DHX57: variants seen among roughly 807,000 people sequenced by gnomAD.
DHX57 encodes the protein putative ATP-dependent RNA helicase DHX57.
DHX57 carries 105 observed loss-of-function variants against 156.2 expected under a neutral mutation model. The observed-to-expected ratio is 0.67, with a 90% CI of 0.57 to 0.79. DHX57 has a LOEUF of 0.79. DHX57 is among the 30% of genes least tolerant of loss of function. The probability of loss-of-function intolerance (pLI) is 0.00; values close to 1 mark genes in which losing one functional copy is unlikely to be tolerated. For missense variants in DHX57, 1,847 were observed against 1,661.9 expected (o/e 1.11, Z -1.94); for synonymous variants, 704 against 595.6 (o/e 1.18, Z -2.65).
Position 38,855,268 on chromosome 2 carries a change from A to T in DHX57, c.1710-16T>A, listed in dbSNP as rs1672838274. 1.2e-6 allele frequency: 2 copies of T among 1,613,758 alleles called. No homozygotes were observed. Among genetic ancestry groups the T allele is most frequent in the Non-Finnish European group, 1.7e-6 (2 of 1,179,748 alleles). On this transcript the variant is annotated splice_polypyrimidine_tract_variant and intron_variant, in intron 7 of 23. Coordinates refer to ENST00000457308, the MANE Select transcript of DHX57 (RefSeq NM_198963.3). ...TTTCCCACATCTGTACATTAAAACAAATAAGTCCTAAAATGAAGTTTTCAA... is the reference window on the plus strand; with the variant it reads ...TTTCCCACATCTGTACATTAAAACATATAAGTCCTAAAATGAAGTTTTCAA...
At chr2:38,816,871 T>G (rs905943779) in intron 19 of DHX57, among the ~76,000 whole-genome samples, 1 of 150,832 alleles carries the variant, frequency 6.6e-6, no homozygotes, top group African/African-American at 2.4e-5. Context: ...TTGATGGACC[T>G]CATAAGTCAC....
At chr2:38,811,155 T>C in intron 21 of DHX57, 1 of 517,608 alleles carries the variant, frequency 1.9e-6, no homozygotes, top group Non-Finnish European at 3.6e-6. Context: ...TGCTTCAGAG[T>C]GACTGGGATG....
chr2:38,819,257 C>A (rs967022487), intron 17 of DHX57, 113 bp from the exon 18 acceptor site: 4 of 909,368 alleles, frequency 4.4e-6, no homozygotes, highest in Non-Finnish European at 5.1e-6. Context: ...CCACTGCAAC[C>A]TTTATCTCCC....
At chr2:38,809,327 G>A (rs1188470197) in intron 21 of DHX57, among the ~76,000 whole-genome samples, 2 of 151,442 alleles carry the variant, frequency 1.3e-5, no homozygotes, top group Non-Finnish European at 2.9e-5. Context: ...TTCTCACTCT[G>A]TTGCCCAAGC....
Position 38,802,802 on chromosome 2 carries a change from T to G in DHX57, c.3930A>C (p.Gly1310=). ...VSVYPLVLFG[G]GQVNVQLQRG... is the part of the protein sequence containing the mutation. ...TTTGAAGCTGCACATTCACTTGGCC[T>G]CCTCCAAACAAGACCAGCGGGTACA... Residue 1310 remains glycine, a synonymous_variant, in exon 23 of 24, where the codon GGA becomes GGC. Transcript: ENST00000457308. 1.9e-6 allele frequency: 3 copies of G among 1,614,102 alleles called. No individual in the cohort carries two copies. Among genetic ancestry groups the G allele is most frequent in the Non-Finnish European group, 2.5e-6 (3 of 1,180,022 alleles).
intron 20 of DHX57, among the ~76,000 whole-genome samples, chr2:38,814,588 A>C (rs1226565016): frequency 6.6e-6 from 1 of 152,228 alleles, no homozygotes; most frequent in Non-Finnish European, 1.5e-5. Context: ...GTTATAGAAA[A>C]AGCTGTCTTT....
chr2:38,863,430 G>A lies in DHX57; in HGVS notation c.314C>T (p.Ser105Phe), dbSNP rs1192770031. The A allele has an allele frequency of 6.2e-7, 1 of 1,614,026 alleles. No individual in the cohort carries two copies. The highest frequency in any genetic ancestry group is 1.7e-5 in the Admixed American group (1 of 59,992). The change falls in exon 3 of 24, where the codon TCT becomes TTT. Residue 105 changes from serine to phenylalanine, a missense_variant. By Grantham distance (155) the Ser-to-Phe change is radical. Coordinates refer to ENST00000457308, the MANE Select transcript of DHX57 (RefSeq NM_198963.3). ...KVPLQTLHMT[S>F]ENQEKVKALL... is the part of the protein sequence containing the mutation. Reference sequence around the variant, plus strand: ...AGCTTTCACTTTCTCTTGATTCTCAGAAGTCATATGTAGAGTCTGAAGGGG... The same window carrying A: ...AGCTTTCACTTTCTCTTGATTCTCAAAAGTCATATGTAGAGTCTGAAGGGG...
intron 2 of DHX57, among the ~76,000 whole-genome samples, chr2:38,865,295 C>G (rs1665010031): frequency 6.6e-6 from 1 of 152,084 alleles, no homozygotes; most frequent in Non-Finnish European, 1.5e-5. Flanking sequence ...GGCAGTCTCC[C>G]CCATGCTATT....
chr2:38,835,810 G>A (rs1298918213), intron 13 of DHX57, among the ~76,000 whole-genome samples: 2 of 152,222 alleles, frequency 1.3e-5, no homozygotes, highest in Non-Finnish European at 2.9e-5. Flanking sequence ...GTGTCCAGAT[G>A]TGCATGACCT....
In DHX57 at chr2:38,861,445, T is replaced by C; in HGVS notation, c.965A>G (p.Lys322Arg). The change falls in exon 5 of 24, where the codon AAA becomes AGA. Residue 322 changes from lysine to arginine, a missense_variant. Coordinates refer to ENST00000457308, the MANE Select transcript of DHX57 (RefSeq NM_198963.3). ...AATTTGATTTGGGGGCACTTCATGTTTGAATCTGCATTTTGATCCAAATTT... is the reference window on the plus strand; with the variant it reads ...AATTTGATTTGGGGGCACTTCATGTCTGAATCTGCATTTTGATCCAAATTT... ...NCKFGSKCRF[K>R]HEVPPNQIVG... is the part of the protein sequence containing the mutation. 5 of 1,614,118 alleles carry C rather than the reference T, an allele frequency of 3.1e-6. No individual in the cohort carries two copies. The highest frequency in any genetic ancestry group is 4.2e-6 in the Non-Finnish European group (5 of 1,180,032).
Position 38,822,971 on chromosome 2 carries a change from T to G in DHX57, c.3291+22A>C, listed in dbSNP as rs3770680. On this transcript the variant is annotated intron_variant, in intron 17 of 23. Coordinates refer to ENST00000457308, the MANE Select transcript of DHX57 (RefSeq NM_198963.3). ...TATGGTCCTCTTAGAGACTCCAGTT[T>G]AGATGAATGTTGTTTACTTACAAAC... is the stretch of plus-strand genomic sequence containing the variant. The G allele has an allele frequency of 0.01, 16,490 of 1,611,132 alleles. 2,186 individuals are homozygous for G. In the East Asian group the frequency reaches 0.3, roughly 29 times the overall value.
At chr2:38,812,907 G>T (rs1670340631) in intron 21 of DHX57, among the ~76,000 whole-genome samples, 1 of 149,780 alleles carries the variant, frequency 6.7e-6, no homozygotes, top group African/African-American at 2.5e-5. Context: ...GGGTACAGTG[G>T]CATGGTCTTG....
chr2:38,815,679 A>T, intron 19 of DHX57, 24 bp from the exon 20 acceptor site: 2 of 1,613,996 alleles, frequency 1.2e-6, no homozygotes, highest in Non-Finnish European at 1.7e-6. Context: ...AAAAACCTTT[A>T]AGCAAGGGCA....
At position 38,861,577 on chromosome 2, in the gene DHX57, A is replaced by G. The variant is rs1356376751; in HGVS notation, c.833T>C (p.Leu278Pro). ...GCGGAATCTACTTGTCAGATACTCC[A>G]GTTCTAACCCAATGGTCCAGACTCT... is the stretch of plus-strand genomic sequence containing the variant. ...QNRVWTIGLE[L>P]EYLTSRFRKS... The change falls in exon 5 of 24, where the codon CTG (leucine) becomes CCG (proline). Residue 278 changes from leucine (L) to proline (P), a missense_variant. Transcript: ENST00000457308. The G allele has an allele frequency of 1.2e-6, 2 of 1,614,190 alleles. No homozygotes were observed. The highest frequency in any genetic ancestry group is 3.3e-5 in the Admixed American group (2 of 60,020).
intron 21 of DHX57, among the ~76,000 whole-genome samples, chr2:38,808,641 A>T (rs1180633464): frequency 2.0e-5 from 3 of 152,194 alleles, no homozygotes; most frequent in African/African-American, 7.2e-5. Flanking sequence ...CCTAATAACA[A>T]ATCCCTAGGA....
chr2:38,864,125 G>C (rs183858218), intron 2 of DHX57, among the ~76,000 whole-genome samples: 4 of 151,814 alleles, frequency 2.6e-5, no homozygotes, highest in Non-Finnish European at 5.9e-5. Context: ...TGCACTATAG[G>C]ACATGAAGAG....
At position 38,813,889 on chromosome 2, in the gene DHX57, A is replaced by G. The variant is rs761201191; in HGVS notation, c.3613T>C (p.Ser1205Pro). The stretch of plus-strand genomic sequence containing the variant: ...ATCAGCTTGGGGTTCTCAGCATTTG[A>G]GTTTGCCTATGAGAAAAGCACAGCA... Reference protein sequence around the residue: ...VLDATGEEANSNAENPKLISA... With the variant: ...VLDATGEEANPNAENPKLISA... The change falls in exon 21 of 24, where the codon TCA becomes CCA. Residue 1205 changes from serine to proline, a missense_variant. By Grantham distance (74) the Ser-to-Pro change is moderately conservative (BLOSUM62 -1). Coordinates refer to ENST00000457308, the MANE Select transcript of DHX57 (RefSeq NM_198963.3). 2 of 1,613,062 alleles carry G rather than the reference A, an allele frequency of 1.2e-6. No individual in the cohort carries two copies. Among genetic ancestry groups the G allele is most frequent in the South Asian group, 2.2e-5 (2 of 91,072 alleles).
intron 13 of DHX57, among the ~76,000 whole-genome samples, chr2:38,836,608 T>C (rs1671671141): frequency 6.6e-6 from 1 of 151,928 alleles, no homozygotes; most frequent in Non-Finnish European, 1.5e-5. Context: ...ACCCTGTCTC[T>C]ACTAAAAATA....
rs370045383 is a variant in DHX57, at chr2:38,858,646, C to G, written c.1587+15G>C. 6 of 1,602,442 alleles carry G rather than the reference C, an allele frequency of 3.7e-6. No homozygotes were observed. In the African/African-American group the frequency reaches 8.1e-5, roughly 22 times the overall value. ...TTAGGGAGGCAACGTTACTCATTCT[C>G]TCAGCATACCCTACCTGTTTCATTC... is the stretch of plus-strand genomic sequence containing the variant. On this transcript the variant is annotated intron_variant, in intron 6 of 23. Transcript: ENST00000457308.
Sources: allele counts gnomAD v4.1 joint callset (sites outside exome capture counted in the v4.1 genomes callset), GRCh38; gene constraint gnomAD v4.1.1; transcripts MANE v1.5; gene names NCBI Gene and HGNC (gene_info 2026-07-23, HGNC 2026-07-21).